Variants in PARD3B observed in about 807,000 individuals in gnomAD.
The protein encoded by PARD3B is partitioning defective 3 homolog B.
Under a neutral mutation model 130.2 loss-of-function variants are expected in PARD3B, and 103 were observed. The ratio of observed to expected loss-of-function variants is 0.79; its 90% CI spans 0.67 to 0.93. PARD3B has a LOEUF of 0.93. Ranked by LOEUF, PARD3B falls within the 40% of genes least tolerant of loss-of-function variation. The pLI is 0.00. For missense variants in PARD3B, 1,609 were observed against 1,499.2 expected, an observed-to-expected ratio of 1.07 and a Z score of -1.21; for synonymous variants, 583 against 553.2, an observed-to-expected ratio of 1.05 and a Z score of -0.76.
intron 2 of PARD3B, among the ~76,000 whole-genome samples, chr2:204,938,560 A>T (rs1688643718): frequency 6.6e-6 from 1 of 152,188 alleles, no homozygotes; most frequent in African/African-American, 2.4e-5. Flanking sequence ...TTCAACACTT[A>T]AAAAATTCTA....
chr2:204,795,301 G>A (rs963174682), intron 2 of PARD3B, among the ~76,000 whole-genome samples: 1 of 152,162 alleles, frequency 6.6e-6, no homozygotes, highest in African/African-American at 2.4e-5. Context: ...AGTGATTGGA[G>A]ACATTCCTTC....
intron 2 of PARD3B, among the ~76,000 whole-genome samples, chr2:204,760,365 G>A (rs76503959): frequency 0.029 from 4,445 of 151,886 alleles, 115 homozygotes; most frequent in East Asian, 0.16. Flanking sequence ...TACAAACAAT[G>A]GAATAAATCA....
intron 21 of PARD3B, among the ~76,000 whole-genome samples, chr2:205,514,833 C>CTTTTTT (rs5837976): frequency 1.5e-5 from 2 of 136,066 alleles, no homozygotes; most frequent in African/African-American, 5.4e-5. Context: ...TCTTACAGTT[C>CTTTTTT]TTTTTTTTTT....
intron 1 of PARD3B, among the ~76,000 whole-genome samples, chr2:204,562,819 C>G (rs1242435829): frequency 6.8e-6 from 1 of 147,372 alleles, no homozygotes; most frequent in Non-Finnish European, 1.5e-5. Context: ...TCAAATATTT[C>G]TAATAAAAAA....
chr2:205,247,623 A>C (rs1267502456), intron 16 of PARD3B, among the ~76,000 whole-genome samples: 2 of 152,162 alleles, frequency 1.3e-5, no homozygotes, highest in Non-Finnish European at 2.9e-5. Context: ...TCCAACATGC[A>C]CTATTTTTAT....
At chr2:205,218,041 C>T (rs559698762) in intron 15 of PARD3B, among the ~76,000 whole-genome samples, 1 of 150,982 alleles carries the variant, frequency 6.6e-6, no homozygotes, top group Non-Finnish European at 1.5e-5. Context: ...TACAGACGTG[C>T]TTCACAATGC....
chr2:205,042,645 G>A (rs1027146409), intron 3 of PARD3B, among the ~76,000 whole-genome samples: 16 of 151,968 alleles, frequency 1.1e-4, no homozygotes, highest in African/African-American at 3.6e-4. Context: ...AGCCTCTGGT[G>A]TATGTTTTCA....
chr2:204,907,531 C>T lies in PARD3B; in HGVS notation c.223-57621C>T, dbSNP rs2047080281. ...CTTTTCAGGGAATTTCACTGTGTCACTCTGGGTGGTAATGCAAGGCACATT... is the reference window on the plus strand; with the variant it reads ...CTTTTCAGGGAATTTCACTGTGTCATTCTGGGTGGTAATGCAAGGCACATT... On this transcript the variant is annotated intron_variant, in intron 2 of 22. Transcript: ENST00000406610. The surrounding 1 kb of genome is among the most constrained non-coding windows in gnomAD (Gnocchi z 5.7). Among the ~76,000 whole-genome samples the T allele has an allele frequency of 6.6e-6, 1 of 152,150 alleles. No individual in the cohort carries two copies. The highest frequency in any genetic ancestry group is 1.5e-5 in the Non-Finnish European group (1 of 68,026).
At position 205,470,447 on chromosome 2, in the gene PARD3B, T is replaced by A. The variant is rs1184478306; in HGVS notation, c.3045-29449T>A. 6.6e-6 allele frequency among the ~76,000 whole-genome samples: 1 copy of A among 152,166 alleles called. No individual in the cohort carries two copies. Among genetic ancestry groups the A allele is most frequent in the Non-Finnish European group, 1.5e-5 (1 of 68,044 alleles). On this transcript the variant is annotated intron_variant, in intron 20 of 22. Transcript: ENST00000406610. The surrounding 1 kb of genome is among the most constrained non-coding windows in gnomAD (Gnocchi z 4.8). ...TCCACTGTCAGATGACTCCCTCTGC[T>A]CACCCCTGCAGGAGTATTTAAGCTT...
chr2:205,496,735 C>T (rs1386695087), intron 20 of PARD3B, among the ~76,000 whole-genome samples: 1 of 151,876 alleles, frequency 6.6e-6, no homozygotes, highest in Non-Finnish European at 1.5e-5. Context: ...GAATAGTTTA[C>T]AGTCTCAGTA....
At chr2:204,749,198 A>G (rs2040364790) in intron 2 of PARD3B, among the ~76,000 whole-genome samples, 1 of 152,120 alleles carries the variant, frequency 6.6e-6, no homozygotes, top group Admixed American at 6.6e-5. Flanking sequence ...TGAATAAAAA[A>G]TGGATAATTT....
intron 2 of PARD3B, among the ~76,000 whole-genome samples, chr2:204,739,762 T>A (rs1376531745): frequency 6.6e-6 from 1 of 152,158 alleles, no homozygotes; most frequent in Non-Finnish European, 1.5e-5. Context: ...TCATTATGTC[T>A]ATTTTATCTG....
chr2:205,193,208 T>C lies in PARD3B; in HGVS notation c.2028T>C (p.Ser676=), dbSNP rs776514272. ...AACATATGGCTTCCTTCCACAGCTC[T>C]GGGGTGGATTCAGCAGTATATTTTC... is the stretch of plus-strand genomic sequence containing the variant. ...GLGLEDYSHS[S]GVDSAVYFPD... The change falls in exon 15 of 23, where the codon TCT becomes TCC. Residue 676 remains serine, a synonymous_variant. Transcript: ENST00000406610. The C allele has an allele frequency of 1.9e-6, 3 of 1,599,596 alleles. No individual in the cohort carries two copies. The highest frequency in any genetic ancestry group is 1.7e-5 in the Admixed American group (1 of 59,970).
chr2:204,879,768 G>T (rs975944428), intron 2 of PARD3B, among the ~76,000 whole-genome samples: 2 of 152,128 alleles, frequency 1.3e-5, no homozygotes, highest in Non-Finnish European at 2.9e-5. Context: ...AGGCGGTTTG[G>T]CCTGTATTCT....
intron 15 of PARD3B, among the ~76,000 whole-genome samples, chr2:205,228,288 C>A (rs2038664922): frequency 6.6e-6 from 1 of 152,152 alleles, no homozygotes; most frequent in Non-Finnish European, 1.5e-5. Flanking sequence ...TAGGACACAT[C>A]TGGTGTAGAT....
intron 22 of PARD3B, among the ~76,000 whole-genome samples, chr2:205,614,902 T>C (rs1299226988): frequency 6.6e-6 from 1 of 152,012 alleles, no homozygotes; most frequent in Non-Finnish European, 1.5e-5. Context: ...GTGCAGTCCA[T>C]GGAAACTTTA....
At chr2:205,034,417 G>C (rs1034157506) in intron 3 of PARD3B, among the ~76,000 whole-genome samples, 2 of 152,058 alleles carry the variant, frequency 1.3e-5, no homozygotes, top group Non-Finnish European at 1.5e-5. Context: ...TTGATGATTG[G>C]TCTTCCAACA....
Position 205,301,064 on chromosome 2 carries a change from G to A in PARD3B, c.2392+328G>A, listed in dbSNP as rs1313452868. Among the ~76,000 whole-genome samples the A allele has an allele frequency of 6.6e-6, 1 of 152,214 alleles. No homozygotes were observed. Among genetic ancestry groups the A allele is most frequent in the African/African-American group, 2.4e-5 (1 of 41,452 alleles). On this transcript the variant is annotated intron_variant, in intron 17 of 22. Transcript: ENST00000406610. This position sits in a 1 kb window ranked among gnomAD's most constrained non-coding sequence, Gnocchi z 5.2. The stretch of plus-strand genomic sequence containing the variant: ...ATTCTCATTCGAGTCATTAGAGGCA[G>A]CATCAATCCAAGGACTCCGACTGCA...
At position 205,052,181 on chromosome 2, in the gene PARD3B, C is replaced by T. The variant is rs941764060; in HGVS notation, c.504+4491C>T. ...CAGATGTGATTTTTTTCTTAATATC[C>T]GGTTAACTAGCAAGGTTGTTTTGTG... is the stretch of plus-strand genomic sequence containing the variant. On this transcript the variant is annotated intron_variant, in intron 4 of 22. Transcript: ENST00000406610. Among the ~76,000 whole-genome samples the T allele has an allele frequency of 3.0e-4, 46 of 151,778 alleles. 1 individual carries two copies. The highest frequency in any genetic ancestry group is 9.9e-4 in the African/African-American group (41 of 41,410).
Sources: gnomAD v4.1 joint callset for allele counts (sites outside exome capture counted in the v4.1 genomes callset) on GRCh38, gnomAD v4.1.1 for gene constraint, Gnocchi (gnomAD v3.1) non-coding constraint, MANE v1.5 for transcripts, NCBI Gene and HGNC (gene_info 2026-07-23, HGNC 2026-07-21) for gene names.